Variants in CPM observed in about 807,000 individuals in gnomAD.
CPM encodes the protein carboxypeptidase M, also known as renal carboxypeptidase.
A neutral mutation model predicts 46.4 loss-of-function variants in CPM; 35 were observed. That is an observed-to-expected ratio of 0.75 (90% confidence interval 0.58 to 1.00). The LOEUF (loss-of-function observed/expected upper bound fraction) is 1.00. CPM is among the 50% of genes least tolerant of loss of function. The pLI, the probability that CPM is intolerant of heterozygous loss-of-function variation, is 0.00. For missense variants in CPM, 422 were observed against 530.4 expected, an observed-to-expected ratio of 0.80 and a Z score of 2.01; for synonymous variants, 195 against 195.3, an observed-to-expected ratio of 1.00 and a Z score of 0.01.
chr12:68,907,740 T>C (rs1887412375), intron 2 of CPM, among the ~76,000 whole-genome samples: 1 of 152,230 alleles, frequency 6.6e-6, no homozygotes, highest in Admixed American at 6.5e-5. Flanking sequence ...TTAATTAACA[T>C]GCCTACATGT....
chr12:68,855,025 T>TA lies in CPM; in HGVS notation c.*1411_*1412insT, dbSNP rs1263725071. The TA allele has an allele frequency of 6.9e-6, 1 of 145,494 alleles. No homozygotes were observed. The highest frequency in any genetic ancestry group is 1.5e-5 in the Non-Finnish European group (1 of 65,822). The allele number at this position is 145,494 out of a possible 1,614,324, so 9.0% of individuals were successfully genotyped here. A position where few individuals can be genotyped will look rare whatever the true frequency, so the allele number is the denominator to read the frequency against. On this transcript the variant is annotated 3_prime_UTR_variant, in exon 9 of 9. Coordinates refer to ENST00000551568, the MANE Select transcript of CPM (RefSeq NM_198320.5). ...GCATGCACCACCACGCCCGACTAAT[T>TA]TTTTTTTTTTTTTTAGTAGAGATGG...
chr12:68,896,346 C>A (rs1886876720), intron 2 of CPM, among the ~76,000 whole-genome samples: 1 of 152,136 alleles, frequency 6.6e-6, no homozygotes. Flanking sequence ...CAACCCCTCT[C>A]CTATCATTTA....
At chr12:68,879,292 A>G (rs571351046) in intron 3 of CPM, among the ~76,000 whole-genome samples, 1 of 152,342 alleles carries the variant, frequency 6.6e-6, no homozygotes, top group East Asian at 1.9e-4. Flanking sequence ...GGTCAAGGAA[A>G]CCTGGGTTTG....
At chr12:68,892,941 G>A (rs1289747052) in intron 2 of CPM, among the ~76,000 whole-genome samples, 1 of 152,034 alleles carries the variant, frequency 6.6e-6, no homozygotes, top group Non-Finnish European at 1.5e-5. Context: ...ACAGGGAGGG[G>A]AACATCACAC....
Position 68,856,434 on chromosome 12 carries a change from A to G in CPM, c.*3T>C. 6.2e-7 allele frequency: 1 copy of G among 1,612,506 alleles called. No individual in the cohort carries two copies. The highest frequency in any genetic ancestry group is 8.5e-7 in the Non-Finnish European group (1 of 1,179,104). ...TGATGTGGGTTGAGTTTCACATTTT[A>G]CTTTATTTGAAGAATATGTGCAAAA... On this transcript the variant is annotated 3_prime_UTR_variant, in exon 9 of 9. Transcript: ENST00000551568.
At chr12:68,890,720 T>C (rs1024931746) in intron 2 of CPM, among the ~76,000 whole-genome samples, 1 of 152,218 alleles carries the variant, frequency 6.6e-6, no homozygotes, top group African/African-American at 2.4e-5. Flanking sequence ...TATGACTGAT[T>C]ACAGAACAAG....
At chr12:68,842,953 A>T (rs1042445523) in intron 5 of CPM, 5 of 210,620 alleles carry the variant, frequency 2.4e-5, no homozygotes, top group African/African-American at 1.1e-4. Flanking sequence ...TGCCTGAAAT[A>T]ACTGACACTA....
In CPM at chr12:68,961,381, GT is replaced by G. The variant is rs1289229354; in HGVS notation, c.-4+1787del. On this transcript the variant is annotated intron_variant, in intron 1 of 8. Transcript: ENST00000546373. ...GCTGGTCTTGAACTCCTGGGCTCGA[GT>G]GGTCCACCTGCCTTGGGTCTCCCAG... 2.0e-5 allele frequency among the ~76,000 whole-genome samples: 3 copies of G among 152,310 alleles called. No homozygotes were observed. The South Asian group carries it at 6.2e-4, about 32-fold the overall frequency.
rs553935245 is a variant in CPM at position 68,903,211 on chromosome 12, C to T, written c.161-17322G>A. Reference sequence around the variant, plus strand: ...ATTTCTCAAGCTGTGCATTTACAGTCGGCTGATCACATGTTTTTTCCTGAG... The same window carrying T: ...ATTTCTCAAGCTGTGCATTTACAGTTGGCTGATCACATGTTTTTTCCTGAG... On this transcript the variant is annotated intron_variant, in intron 2 of 8. Coordinates refer to ENST00000551568, the MANE Select transcript of CPM (RefSeq NM_198320.5). 7.9e-4 allele frequency among the ~76,000 whole-genome samples: 120 copies of T among 152,338 alleles called. 1 individual carries two copies. Among genetic ancestry groups the T allele is most frequent in the African/African-American group, 2.5e-3 (104 of 41,574 alleles).
In CPM at chr12:68,853,510, T is replaced by C. The variant is rs1884819306; in HGVS notation, c.*2927A>G. On this transcript the variant is annotated 3_prime_UTR_variant, in exon 9 of 9. Transcript: ENST00000551568. The stretch of plus-strand genomic sequence containing the variant: ...ATTAACATGTATGATTTTGTGCATG[T>C]AGAATAAGCTTGGCATAGAAATGGC... The C allele has an allele frequency of 1.3e-5, 2 of 152,212 alleles. No individual in the cohort carries two copies. The highest frequency in any genetic ancestry group is 2.9e-5 in the Non-Finnish European group (2 of 68,036). The allele number at this position is 152,212 out of a possible 1,614,324, so 9.4% of individuals were successfully genotyped here.
intron 2 of CPM, among the ~76,000 whole-genome samples, chr12:68,915,299 T>C (rs1282202892): frequency 1.3e-5 from 2 of 152,210 alleles, no homozygotes; most frequent in East Asian, 3.9e-4. Flanking sequence ...ACTTAGATGC[T>C]AAGATACATT....
intron 1 of CPM, among the ~76,000 whole-genome samples, chr12:68,940,332 T>G (rs1335753637): frequency 1.3e-5 from 2 of 151,914 alleles, no homozygotes; most frequent in African/African-American, 2.4e-5. Flanking sequence ...ATAGTTTATA[T>G]TGCATATGCT....
intron 3 of CPM, among the ~76,000 whole-genome samples, chr12:68,884,126 A>C (rs1886329053): frequency 6.6e-6 from 1 of 151,098 alleles, no homozygotes; most frequent in African/African-American, 2.4e-5. Context: ...AAAAAAAAAA[A>C]AAAAAAGCAT....
Position 68,952,003 on chromosome 12 carries a change from G to A in CPM, c.-4+11166C>T, listed in dbSNP as rs1294545281. On this transcript the variant is annotated intron_variant, in intron 1 of 8. Coordinates refer to the CPM transcript ENST00000546373. Reference sequence around the variant, plus strand: ...CCGTGTGTGGGTTTTTGCTGAATTGGAGTTTCCTCTCTCCTCTCCGGGACA... The same window carrying A: ...CCGTGTGTGGGTTTTTGCTGAATTGAAGTTTCCTCTCTCCTCTCCGGGACA... Among the ~76,000 whole-genome samples, 4 of 152,274 alleles carry A rather than the reference G, an allele frequency of 2.6e-5. No homozygotes were observed. In the East Asian group the frequency reaches 7.7e-4, roughly 29 times the overall value.
At chr12:68,917,306 A>G (rs150284004) in intron 2 of CPM, among the ~76,000 whole-genome samples, 270 of 152,004 alleles carry the variant, frequency 1.8e-3, no homozygotes, top group African/African-American at 5.9e-3. Context: ...TGGTTTGTCA[A>G]CTCCTTCAGG....
chr12:68,897,414 C>T (rs1033126993), intron 2 of CPM, among the ~76,000 whole-genome samples: 1 of 151,924 alleles, frequency 6.6e-6, no homozygotes, highest in African/African-American at 2.4e-5. Context: ...ATAACCAGAT[C>T]ATCTTTTTGA....
rs542844957 is a variant in CPM, at chr12:68,911,564, G to T, written c.160+21114C>A. 2.0e-5 allele frequency among the ~76,000 whole-genome samples: 3 copies of T among 152,314 alleles called. No individual in the cohort carries two copies. In the South Asian group the frequency reaches 6.2e-4, roughly 32 times the overall value. On this transcript the variant is annotated intron_variant, in intron 2 of 8. Coordinates refer to ENST00000551568, the MANE Select transcript of CPM (RefSeq NM_198320.5). ...GCCTAGCCCTGTGCCTGACATCAAA[G>T]ATGCCCTCAATAAACAGTAGTTTGA...
intron 1 of CPM, among the ~76,000 whole-genome samples, chr12:68,948,513 G>T (rs1004513402): frequency 6.6e-6 from 1 of 152,054 alleles, no homozygotes; most frequent in Non-Finnish European, 1.5e-5. Context: ...AGTTGGGAAG[G>T]CTTTGGGGGT....
chr12:68,949,354 G>A (rs1888899144), intron 1 of CPM, among the ~76,000 whole-genome samples: 1 of 152,140 alleles, frequency 6.6e-6, no homozygotes, highest in South Asian at 2.1e-4. Flanking sequence ...CTAAGCAACG[G>A]AGCAAAACCC....
Sources: gnomAD v4.1 joint callset for allele counts (sites outside exome capture counted in the v4.1 genomes callset) on GRCh38, gnomAD v4.1.1 for gene constraint, MANE v1.5 for transcripts, NCBI Gene and HGNC (gene_info 2026-07-23, HGNC 2026-07-21) for gene names.